The following SLC19A1 variants were observed in gnomAD, a reference collection of about 807,000 sequenced individuals.
The protein encoded by SLC19A1 is reduced folate transporter.
A neutral mutation model predicts 35.3 loss-of-function variants in SLC19A1; 37 were observed. The ratio of observed to expected loss-of-function variants is 1.05; its 90% CI spans 0.81 to 1.38. The LOEUF is 1.38. SLC19A1 is among the 40% of genes most tolerant of loss of function. The pLI is 0.00. For missense variants in SLC19A1, 831 were observed against 826.9 expected, an observed-to-expected ratio of 1.00 and a Z score of -0.06; for synonymous variants, 460 against 398.5, an observed-to-expected ratio of 1.15 and a Z score of -1.84.
intron 4 of SLC19A1, 137 bp from the exon 5 acceptor site, chr21:45,526,095 C>A (rs546562994): frequency 3.4e-6 from 3 of 872,370 alleles, no homozygotes; most frequent in East Asian, 2.6e-5. Flanking sequence ...ACAAGCCCCC[C>A]ACCAGGCCCC....
Position 45,517,711 on chromosome 21 carries a change from C to T in SLC19A1, c.1294-1571G>A, listed in dbSNP as rs2038040822. Among the ~76,000 whole-genome samples the T allele has an allele frequency of 6.6e-6, 1 of 152,154 alleles. No individual in the cohort carries two copies. Among genetic ancestry groups the T allele is most frequent in the Non-Finnish European group, 1.5e-5 (1 of 68,026 alleles). ...GAGGTCAAGCGGGAGTCCAGACTTT[C>T]ACCTACCCAGCAATAATGAGAATGT... On this transcript the variant is annotated intron_variant, in intron 5 of 5. Coordinates refer to ENST00000311124, the MANE Select transcript of SLC19A1 (RefSeq NM_194255.4). This position sits in a 1 kb window ranked among gnomAD's most constrained non-coding sequence, Gnocchi z 4.4.
At chr21:45,509,259 GCCCAGCCCCTCTCA>G, downstream of SLC19A1, 1 of 1,497,818 alleles carries the variant, frequency 6.7e-7, no homozygotes, top group Non-Finnish European at 8.9e-7. Context: ...CCAGTTCAGA[GCCCAGCCCCTCTCA>G]CCCAGCCCAG....
chr21:45,502,648 G>A (rs903294667), intron 3 of SLC19A1: 8 of 152,158 alleles, frequency 5.3e-5, no homozygotes, highest in Non-Finnish European at 7.3e-5. Context: ...AAGGAGAGAA[G>A]CAGCAACAAG....
upstream of SLC19A1, chr21:45,544,464 T>C (rs3788205): frequency 0.77 from 120,885 of 157,112 alleles, 47,360 homozygotes; most frequent in African/African-American, 0.94. Flanking sequence ...AAAATAGAGA[T>C]TTACAAACGC....
chr21:45,526,990 G>A (rs778508998), intron 4 of SLC19A1, among the ~76,000 whole-genome samples: 6 of 152,266 alleles, frequency 3.9e-5, no homozygotes, highest in African/African-American at 1.4e-4. Flanking sequence ...GGTCACGGGC[G>A]TCTCAAAACA....
intron 3 of SLC19A1, chr21:45,506,337 A>T: frequency 5.6e-6 from 2 of 359,572 alleles, no homozygotes; most frequent in Non-Finnish European, 1.1e-5. Flanking sequence ...TGACGTCCAC[A>T]GCACGGCCCC....
intron 3 of SLC19A1, chr21:45,506,214 G>A: frequency 1.9e-6 from 1 of 538,558 alleles, no homozygotes; most frequent in Non-Finnish European, 3.3e-6. Context: ...CTCCTGGTGG[G>A]TCATGTCACA....
intron 3 of SLC19A1, chr21:45,507,350 G>C (rs2037274410): frequency 1.6e-6 from 1 of 634,924 alleles, no homozygotes; most frequent in African/African-American, 1.8e-5. Context: ...TGGGCAGGGA[G>C]GGCACCCTGC....
intron 1 of SLC19A1, among the ~76,000 whole-genome samples, chr21:45,553,695 C>A (rs1484344024): frequency 1.0e-4 from 1 of 9,720 alleles, no homozygotes; most frequent in Non-Finnish European, 1.6e-4. Flanking sequence ...CAGTCCCCCA[C>A]GCCCCATCCC....
chr21:45,512,516 A>G (rs1400915838), downstream of SLC19A1: 20 of 889,506 alleles, frequency 2.2e-5, no homozygotes, highest in African/African-American at 1.0e-4. Flanking sequence ...ACTTTCCTGT[A>G]TAGTTCACGT....
At chr21:45,537,719 T>TGGGGGGGGGGGGCC in intron 2 of SLC19A1, 52 bp downstream of exon 2, 1 of 319,776 alleles carries the variant, frequency 3.1e-6, no homozygotes, top group Non-Finnish European at 5.6e-6. Flanking sequence ...CAGACGCTGC[T>TGGGGGGGGGGGGCC]CCCCGCCCAC....
intron 3 of SLC19A1, chr21:45,505,139 C>CA: frequency 6.2e-7 from 1 of 1,609,492 alleles, no homozygotes; most frequent in Non-Finnish European, 8.5e-7. Context: ...CGTAGGGTCC[C>CA]AAGGGAGAGA....
upstream of SLC19A1, among the ~76,000 whole-genome samples, chr21:45,542,818 C>A (rs1040106901): frequency 6.6e-6 from 1 of 151,810 alleles, no homozygotes; most frequent in African/African-American, 2.4e-5. Flanking sequence ...CCTGACCCCC[C>A]CTCCTCGACG....
rs749104241 is a variant in SLC19A1, at chr21:45,515,643, A to G, written c.*15T>C. ...TGAGGGCCGCCTGCAAAGTTACCAC[A>G]GGGGCGCCCGAGAGTCACTGGTTCA... On this transcript the variant is annotated 3_prime_UTR_variant, in exon 6 of 6. Coordinates refer to ENST00000311124, the MANE Select transcript of SLC19A1 (RefSeq NM_194255.4). 1.2e-6 allele frequency: 2 copies of G among 1,612,916 alleles called. No homozygotes were observed. Among genetic ancestry groups the G allele is most frequent in the East Asian group, 2.2e-5 (1 of 44,874 alleles).
chr21:45,559,597 G>A (rs572473857), intron 1 of SLC19A1, among the ~76,000 whole-genome samples: 2 of 152,140 alleles, frequency 1.3e-5, no homozygotes, highest in Non-Finnish European at 2.9e-5. Flanking sequence ...TCTGTCCAGG[G>A]AGCATCCGGC....
At chr21:45,524,999 A>C (rs2077559399) in intron 5 of SLC19A1, among the ~76,000 whole-genome samples, 1 of 152,212 alleles carries the variant, frequency 6.6e-6, no homozygotes, top group Non-Finnish European at 1.5e-5. Flanking sequence ...CTTGGGCTGA[A>C]GAATGCATTT....
At chr21:45,541,627 G>A (rs561786248) in intron 1 of SLC19A1, among the ~76,000 whole-genome samples, 130 of 152,356 alleles carry the variant, frequency 8.5e-4, no homozygotes, top group African/African-American at 3.0e-3. Context: ...TCCAGCGGCT[G>A]TCCAGGCTCT....
In SLC19A1 at chr21:45,518,716, T is replaced by TA. The variant is rs140352018; in HGVS notation, c.1294-2577dup. 8.2e-3 allele frequency among the ~76,000 whole-genome samples: 1,237 copies of TA among 150,930 alleles called. 18 individuals are homozygous for TA. The highest frequency in any genetic ancestry group is 0.028 in the African/African-American group (1,147 of 41,158). On this transcript the variant is annotated intron_variant, in intron 5 of 5. Transcript: ENST00000311124. ...AAGGGGCACCACATTTCTCACAGGCTAAAAAAAAAGAACACTGTCTACCCA... is the reference window on the plus strand; with the variant it reads ...AAGGGGCACCACATTTCTCACAGGCTAAAAAAAAAAGAACACTGTCTACCCA...
At chr21:45,511,588 G>A (rs541134349), downstream of SLC19A1, among the ~76,000 whole-genome samples, 1 of 152,126 alleles carries the variant, frequency 6.6e-6, no homozygotes, top group Non-Finnish European at 1.5e-5. Context: ...CACGGAGTCC[G>A]AGCATGTGTG....
Sources: allele counts gnomAD v4.1 joint callset (sites outside exome capture counted in the v4.1 genomes callset), GRCh38; gene constraint gnomAD v4.1.1; non-coding constraint Gnocchi (gnomAD v3.1); transcripts MANE v1.5; gene names NCBI Gene and HGNC (gene_info 2026-07-23, HGNC 2026-07-21).